GTF2E2: variants seen among roughly 807,000 people sequenced by gnomAD.
The protein encoded by GTF2E2 is transcription initiation factor IIE subunit beta.
Under a neutral mutation model 40.5 loss-of-function variants are expected in GTF2E2, and 21 were observed. The observed-to-expected ratio is 0.52, with a 90% CI of 0.37 to 0.75. The LOEUF is 0.75. GTF2E2 is among the 30% of genes least tolerant of loss of function. GTF2E2 has a pLI of 0.00. For synonymous variants in GTF2E2, 117 were observed against 121.6 expected (o/e 0.96, Z 0.25); for missense variants, 298 against 338.4 (o/e 0.88, Z 0.94).
At chr8:30,656,509 C>T (rs1802453448) in intron 1 of GTF2E2, among the ~76,000 whole-genome samples, 1 of 152,144 alleles carries the variant, frequency 6.6e-6, no homozygotes, top group Non-Finnish European at 1.5e-5. Flanking sequence ...AAAAAAATTA[C>T]TCTAAAAGAT....
chr8:30,609,519 C>A (rs970390266), intron 5 of GTF2E2, among the ~76,000 whole-genome samples: 7 of 152,234 alleles, frequency 4.6e-5, no homozygotes, highest in African/African-American at 7.2e-5. Context: ...TAAATGAATT[C>A]TGTGCTCATG....
intron 3 of GTF2E2, 75 bp from the exon 4 acceptor site, chr8:30,614,790 C>T: frequency 1.3e-6 from 1 of 790,002 alleles, no homozygotes; most frequent in Non-Finnish European, 2.2e-6. Context: ...TACATGTAAA[C>T]AAACCTTCAG....
intron 2 of GTF2E2, among the ~76,000 whole-genome samples, chr8:30,641,962 A>T (rs565246910): frequency 1.3e-5 from 2 of 152,370 alleles, no homozygotes; most frequent in South Asian, 4.1e-4. Context: ...CACAGCACCC[A>T]GCCAAGCATA....
chr8:30,625,001 C>T (rs1463287732), intron 3 of GTF2E2, among the ~76,000 whole-genome samples: 1 of 151,700 alleles, frequency 6.6e-6, no homozygotes, highest in African/African-American at 2.4e-5. Context: ...CCCTTTATTT[C>T]TTTCTCCTGC....
chr8:30,637,160 A>C (rs1801630150), intron 2 of GTF2E2: 1 of 452,946 alleles, frequency 2.2e-6, no homozygotes, highest in Non-Finnish European at 4.4e-6. Flanking sequence ...AGATTATTCC[A>C]TCTGAAACTG....
chr8:30,593,891 T>C (rs1354682578), intron 6 of GTF2E2, among the ~76,000 whole-genome samples: 1 of 152,218 alleles, frequency 6.6e-6, no homozygotes, highest in Non-Finnish European at 1.5e-5. Context: ...TATATCATTT[T>C]ACATGCTTTT....
intron 4 of GTF2E2, among the ~76,000 whole-genome samples, chr8:30,613,441 G>A (rs1446458214): frequency 6.6e-6 from 1 of 152,200 alleles, no homozygotes. Flanking sequence ...TCTTCAAAAA[G>A]AGCAACCCTA....
chr8:30,628,239 A>G (rs1356425077), intron 3 of GTF2E2, among the ~76,000 whole-genome samples: 2 of 152,228 alleles, frequency 1.3e-5, no homozygotes, highest in African/African-American at 4.8e-5. Flanking sequence ...AGGTGAGAAA[A>G]GAAATCAAGT....
At chr8:30,627,618 CA>C (rs1801326395) in intron 3 of GTF2E2, among the ~76,000 whole-genome samples, 1 of 152,020 alleles carries the variant, frequency 6.6e-6, no homozygotes, top group African/African-American at 2.4e-5. Context: ...TGCTTGAGGC[CA>C]GGAGTTTAAG....
At chr8:30,605,564 C>T (rs1270799686) in intron 6 of GTF2E2, among the ~76,000 whole-genome samples, 2 of 151,684 alleles carry the variant, frequency 1.3e-5, no homozygotes, top group Non-Finnish European at 2.9e-5. Context: ...TTAAGTACTG[C>T]AAATATTTTT....
chr8:30,583,327 C>T (rs1828566418), intron 6 of GTF2E2, among the ~76,000 whole-genome samples: 1 of 152,120 alleles, frequency 6.6e-6, no homozygotes, highest in Non-Finnish European at 1.5e-5. Flanking sequence ...CAGCGAGACT[C>T]CATCTCAAAA....
intron 6 of GTF2E2, among the ~76,000 whole-genome samples, chr8:30,602,809 G>A (rs1829219916): frequency 6.6e-6 from 1 of 150,588 alleles, no homozygotes; most frequent in South Asian, 2.1e-4. Context: ...AGCCACTCTA[G>A]GAAAAAAACT....
At chr8:30,611,924 T>C (rs1829487057) in intron 5 of GTF2E2, among the ~76,000 whole-genome samples, 1 of 152,218 alleles carries the variant, frequency 6.6e-6, no homozygotes, top group Non-Finnish European at 1.5e-5. Context: ...TATTAACCAA[T>C]GCTTTCATGT....
At chr8:30,637,355 T>C (rs1329348576) in intron 2 of GTF2E2, 1 of 451,678 alleles carries the variant, frequency 2.2e-6, no homozygotes, top group Non-Finnish European at 4.4e-6. Flanking sequence ...GTTGTGCTTA[T>C]GAGACATGAT....
intron 2 of GTF2E2, among the ~76,000 whole-genome samples, chr8:30,651,687 A>C (rs982702058): frequency 6.6e-6 from 1 of 152,260 alleles, no homozygotes; most frequent in African/African-American, 2.4e-5. Context: ...ATTCAATTCA[A>C]TCCCTATGGA....
chr8:30,580,168 C>A, intron 7 of GTF2E2, 113 bp downstream of exon 7: 1 of 688,352 alleles, frequency 1.5e-6, no homozygotes. Context: ...GGGCTGCGGA[C>A]ACTGAGAAAC....
intron 3 of GTF2E2, among the ~76,000 whole-genome samples, chr8:30,623,425 T>A (rs1015236479): frequency 2.0e-5 from 3 of 152,134 alleles, no homozygotes; most frequent in African/African-American, 7.3e-5. Flanking sequence ...TGTGCCACAT[T>A]TTCTTAATCC....
chr8:30,632,871 G>GA (rs1201549608), intron 3 of GTF2E2, among the ~76,000 whole-genome samples: 16 of 152,104 alleles, frequency 1.1e-4, no homozygotes, highest in Admixed American at 6.5e-4. Flanking sequence ...GGAAGATTCT[G>GA]ATATCACAAA....
intron 6 of GTF2E2, among the ~76,000 whole-genome samples, chr8:30,591,466 A>G (rs1379366832): frequency 6.6e-6 from 1 of 152,206 alleles, no homozygotes; most frequent in African/African-American, 2.4e-5. Context: ...CCCAGGAAAC[A>G]GAGTGAGACC....
Sources: gnomAD v4.1 joint callset for allele counts (sites outside exome capture counted in the v4.1 genomes callset) on GRCh38, gnomAD v4.1.1 for gene constraint, MANE v1.5 for transcripts, NCBI Gene and HGNC (gene_info 2026-07-23, HGNC 2026-07-21) for gene names.